Variants in TBX15 observed in about 807,000 individuals in gnomAD.
TBX15 encodes the protein T-box transcription factor TBX15.
A neutral mutation model predicts 53.9 loss-of-function variants in TBX15; 18 were observed. The observed-to-expected ratio is 0.33, with a 90% CI of 0.23 to 0.49. The LOEUF (loss-of-function observed/expected upper bound fraction) is 0.49. TBX15 is among the 20% of genes least tolerant of loss of function. TBX15 has a pLI of 0.98. For synonymous variants in TBX15, 295 were observed against 278.0 expected, an observed-to-expected ratio of 1.06 and a Z score of -0.61; for missense variants, 692 against 749.5, an observed-to-expected ratio of 0.92 and a Z score of 0.90.
intron 1 of TBX15, among the ~76,000 whole-genome samples, chr1:118,961,627 G>A (rs984224): frequency 0.18 from 27,302 of 152,116 alleles, 3,117 homozygotes; most frequent in East Asian, 0.5. Context: ...ATATTTAAGT[G>A]TGAATCCTGA....
At position 118,904,736 on chromosome 1, in the gene TBX15, T is replaced by C. The variant is rs76530099; in HGVS notation, c.927-5611A>G. Among the ~76,000 whole-genome samples, 34 of 152,310 alleles carry C rather than the reference T, an allele frequency of 2.2e-4. No homozygotes were observed. The East Asian group carries it at 6.6e-3, about 29-fold the overall frequency. On this transcript the variant is annotated intron_variant, in intron 6 of 7. Transcript: ENST00000369429. ...CCATGATCATACAAAGTTGGCTAACTAGAATATTAAGTTTCTTTGCATTTG... is the reference window on the plus strand; with the variant it reads ...CCATGATCATACAAAGTTGGCTAACCAGAATATTAAGTTTCTTTGCATTTG...
chr1:118,916,136 CTG>C (rs1655211158), intron 5 of TBX15, among the ~76,000 whole-genome samples: 1 of 152,170 alleles, frequency 6.6e-6, no homozygotes, highest in African/African-American at 2.4e-5. Flanking sequence ...CAGTGTATAG[CTG>C]TGTGTCATCC....
intron 6 of TBX15, among the ~76,000 whole-genome samples, chr1:118,913,698 T>C (rs1655098119): frequency 6.6e-6 from 1 of 152,160 alleles, no homozygotes; most frequent in Non-Finnish European, 1.5e-5. Context: ...TCACACTGTT[T>C]TAGCTCTTAA....
chr1:118,982,322 A>G (rs891006675), intron 1 of TBX15, among the ~76,000 whole-genome samples: 3 of 152,244 alleles, frequency 2.0e-5, no homozygotes, highest in Non-Finnish European at 2.9e-5. Context: ...ACCAGAGTCT[A>G]TAATCAGGAT....
intron 1 of TBX15, among the ~76,000 whole-genome samples, chr1:118,938,207 G>T (rs1656027953): frequency 6.6e-6 from 1 of 152,186 alleles, no homozygotes; most frequent in Non-Finnish European, 1.5e-5. Context: ...ACACTCAAAT[G>T]AGCCTGTTAA....
At chr1:118,948,555 C>T (rs1351122918) in intron 1 of TBX15, among the ~76,000 whole-genome samples, 7 of 152,194 alleles carry the variant, frequency 4.6e-5, no homozygotes, top group Non-Finnish European at 1.0e-4. Flanking sequence ...CTGCCTGGCT[C>T]TTTTCCCCTC....
Position 118,914,170 on chromosome 1 carries a change from A to G in TBX15, c.871T>C (p.Leu291=), listed in dbSNP as rs562673493. The G allele has an allele frequency of 1.2e-6, 2 of 1,613,592 alleles. No homozygotes were observed. Among genetic ancestry groups the G allele is most frequent in the East Asian group, 4.5e-5 (2 of 44,838 alleles). The change falls in exon 6 of 8, where the codon TTA becomes CTA. Residue 291 remains leucine, a synonymous_variant. Transcript: ENST00000369429. ...GCAAAAGGGTTTCGGTCAATTTTTA[A>G]TCTGGTAATCTGGAAACAAACAAAT... The part of the protein sequence containing the change: ...TAYQNQQITR[L]KIDRNPFAKG...
chr1:118,897,426 C>G (rs1654467230), intron 7 of TBX15, among the ~76,000 whole-genome samples: 2 of 152,132 alleles, frequency 1.3e-5, no homozygotes, highest in African/African-American at 4.8e-5. Context: ...AATATCCCTG[C>G]CAACCTTCTC....
chr1:118,924,964 A>C, intron 3 of TBX15, 147 bp from the exon 4 acceptor site: 1 of 852,900 alleles, frequency 1.2e-6, no homozygotes, highest in East Asian at 2.6e-5. Context: ...AGAGACTCAA[A>C]GGAGGAAAAG....
At chr1:118,957,745 GT>G (rs1656741154) in intron 1 of TBX15, among the ~76,000 whole-genome samples, 1 of 152,152 alleles carries the variant, frequency 6.6e-6, no homozygotes, top group African/African-American at 2.4e-5. Context: ...CCTCGCGATA[GT>G]TTGCTGAGAA....
chr1:118,979,914 C>T (rs986102093), intron 1 of TBX15, among the ~76,000 whole-genome samples: 4 of 152,166 alleles, frequency 2.6e-5, no homozygotes, highest in Non-Finnish European at 5.9e-5. Context: ...ACCGAGGCCT[C>T]GCAGCCAAGC....
At chr1:118,899,989 C>T (rs750415435) in intron 6 of TBX15, among the ~76,000 whole-genome samples, 1 of 152,154 alleles carries the variant, frequency 6.6e-6, no homozygotes, top group Non-Finnish European at 1.5e-5. Flanking sequence ...TGATATACAT[C>T]ATTTTCACAT....
At chr1:118,929,073 T>C (rs1235554998) in intron 2 of TBX15, among the ~76,000 whole-genome samples, 1 of 152,218 alleles carries the variant, frequency 6.6e-6, no homozygotes, top group Non-Finnish European at 1.5e-5. Flanking sequence ...AAGAGATGTG[T>C]TTGGTTTTAA....
At chr1:118,894,896 T>C (rs1654369638) in intron 7 of TBX15, among the ~76,000 whole-genome samples, 1 of 152,126 alleles carries the variant, frequency 6.6e-6, no homozygotes, top group South Asian at 2.1e-4. Context: ...AATTAGGATA[T>C]TGCTCTCCTA....
chr1:118,939,421 A>AAAAAAAG (rs1656079309), intron 1 of TBX15, among the ~76,000 whole-genome samples: 5 of 121,924 alleles, frequency 4.1e-5, no homozygotes, highest in African/African-American at 1.5e-4. Flanking sequence ...AAAAAAAAAA[A>AAAAAAAG]AAAAAAAAAA....
intron 6 of TBX15, among the ~76,000 whole-genome samples, chr1:118,906,977 T>C (rs1383590542): frequency 6.6e-6 from 1 of 152,232 alleles, no homozygotes; most frequent in African/African-American, 2.4e-5. Context: ...ATACAGAGCC[T>C]GCCACTGGCT....
intron 1 of TBX15, among the ~76,000 whole-genome samples, chr1:118,985,415 G>C (rs1557911203): frequency 6.6e-6 from 1 of 152,328 alleles, no homozygotes; most frequent in Non-Finnish European, 1.5e-5. Context: ...TACCGCCTGA[G>C]TCTGGAGCCG....
chr1:118,889,824 G>T (rs1281197688), intron 7 of TBX15, among the ~76,000 whole-genome samples: 1 of 151,894 alleles, frequency 6.6e-6, no homozygotes, highest in African/African-American at 2.4e-5. Context: ...ATTTAGTAGA[G>T]ATAGGGTCTC....
chr1:118,908,366 G>C (rs1196728710), intron 6 of TBX15, among the ~76,000 whole-genome samples: 1 of 138,068 alleles, frequency 7.2e-6, no homozygotes, highest in East Asian at 2.2e-4. Flanking sequence ...CAGGAACACA[G>C]AGCACAAGAC....
Sources: allele counts gnomAD v4.1 joint callset (sites outside exome capture counted in the v4.1 genomes callset), GRCh38; gene constraint gnomAD v4.1.1; transcripts MANE v1.5; gene names NCBI Gene and HGNC (gene_info 2026-07-23, HGNC 2026-07-21).